SKOR2: variants seen among roughly 807,000 people sequenced by gnomAD.
The protein encoded by SKOR2 is SKI family transcriptional corepressor 2.
Under a neutral mutation model 69.1 loss-of-function variants are expected in SKOR2, and 47 were observed. The ratio of observed to expected loss-of-function variants is 0.68; its 90% CI spans 0.54 to 0.87. SKOR2 has a LOEUF of 0.87. Among genes scored for constraint, SKOR2 ranks in the 40% least tolerant of loss-of-function variants. The pLI is 0.00. For missense variants in SKOR2, 1,404 were observed against 1,472.2 expected, an observed-to-expected ratio of 0.95 and a Z score of 0.76; for synonymous variants, 717 against 672.6, an observed-to-expected ratio of 1.07 and a Z score of -1.02.
At chr18:47,230,857 G>T in intron 5 of SKOR2, 78 bp downstream of exon 5, 1 of 1,416,348 alleles carries the variant, frequency 7.1e-7, no homozygotes, top group South Asian at 1.3e-5. Context: ...ATATGGTGGA[G>T]AACAAAAATA....
In SKOR2 at chr18:47,248,777, G is replaced by A. The variant is rs993484332; in HGVS notation, c.407C>T (p.Pro136Leu). Residue 136 changes from proline to leucine, a missense_variant, in exon 2 of 9, where the codon CCG becomes CTG. Pro to Leu is a moderately conservative substitution (Grantham distance 98). Transcript: ENST00000425639. This position sits in a 1 kb window ranked among gnomAD's most constrained non-coding sequence, Gnocchi z 6.4. The stretch of plus-strand genomic sequence containing the variant: ...GGCGAAATTGTCTGGCAGCTTGGGC[G>A]GCCTGTTTTCGCCCAGGAACGACTT... ...LCKSFLGENR[P>L]PKLPDNFAFD... 7.7e-6 allele frequency: 12 copies of A among 1,550,584 alleles called. No individual in the cohort carries two copies. The highest frequency in any genetic ancestry group is 1.0e-5 in the Non-Finnish European group (12 of 1,154,856).
chr18:47,239,569 T>G (rs1489249090), intron 4 of SKOR2, among the ~76,000 whole-genome samples: 3 of 152,324 alleles, frequency 2.0e-5, no homozygotes, highest in Non-Finnish European at 4.4e-5. Flanking sequence ...CTTTGATTAG[T>G]GCGTCTCGAG....
rs10670977 is a variant in SKOR2 at position 47,245,478 on chromosome 18, A to ATTTTTTTTTTTTTTTTTTTTTT, written c.2677+19_2677+20insAAAAAAAAAAAAAAAAAAAAAA. The ATTTTTTTTTTTTTTTTTTTTTT allele has an allele frequency of 6.4e-4, 761 of 1,197,920 alleles. 37 individuals carry two copies. Among genetic ancestry groups the ATTTTTTTTTTTTTTTTTTTTTT allele is most frequent in the African/African-American group, 2.2e-3 (98 of 43,974 alleles). The allele number at this position is 1,197,920 out of a possible 1,614,324, so 74.2% of individuals were successfully genotyped here. The stretch of plus-strand genomic sequence containing the variant: ...ATGCAGGCAAGAAAAGTGGCAGCTG[A>ATTTTTTTTTTTTTTTTTTTTTT]TTTTTTTTTTTTTTTTTACCTGAAA... On this transcript the variant is annotated intron_variant, in intron 3 of 8. Transcript: ENST00000425639.
chr18:47,231,610 G>A (rs1003792228), intron 4 of SKOR2, among the ~76,000 whole-genome samples: 3 of 152,192 alleles, frequency 2.0e-5, no homozygotes, highest in South Asian at 4.1e-4. Context: ...TTGGGATGCC[G>A]AGGCGGGCAG....
At chr18:47,235,133 G>A (rs572982939) in intron 4 of SKOR2, among the ~76,000 whole-genome samples, 1 of 152,260 alleles carries the variant, frequency 6.6e-6, no homozygotes, top group East Asian at 1.9e-4. Context: ...GGGAGGCCGA[G>A]GGAGAGTGCT....
chr18:47,244,590 A>G (rs2064262932), intron 4 of SKOR2, among the ~76,000 whole-genome samples: 1 of 152,338 alleles, frequency 6.6e-6, no homozygotes, highest in Admixed American at 6.5e-5. Context: ...GACAGATATT[A>G]AAAGCAATAA....
rs1440894550 is a variant in SKOR2 at position 47,220,098 on chromosome 18, T to A, written c.2918-88A>T. 8 of 1,072,032 alleles carry A rather than the reference T, an allele frequency of 7.5e-6. No individual in the cohort carries two copies. The East Asian group carries it at 2.1e-4, about 28-fold the overall frequency. 66.4% of individuals were successfully genotyped at this position (1,072,032 alleles called of 1,614,324 possible). A position where few individuals can be genotyped will look rare whatever the true frequency, so the allele number is the denominator to read the frequency against. Reference sequence around the variant, plus strand: ...AGTAAAAACATTATTGACAGTCCCATGGACAGCCCCCCTACTTTTAAGTAT... The same window carrying A: ...AGTAAAAACATTATTGACAGTCCCAAGGACAGCCCCCCTACTTTTAAGTAT... On this transcript the variant is annotated intron_variant, in intron 6 of 8. Transcript: ENST00000425639.
chr18:47,248,614 G>A lies in SKOR2; in HGVS notation c.570C>T (p.Ser190=), dbSNP rs1356261880. The A allele has an allele frequency of 6.5e-7, 1 of 1,547,352 alleles. No homozygotes were observed. The stretch of plus-strand genomic sequence containing the variant: ...TGTACTTGGCGTCGGGCGTGCGGTG[G>A]GAGTGGAAAATGAACTTGTTGGGCG... ...YFSPNKFIFH[S]HRTPDAKYTQ... is the part of the protein sequence containing the mutation. Residue 190 remains serine (S), a synonymous_variant, in exon 2 of 9, where the codon TCC becomes TCT. Transcript: ENST00000425639. The surrounding 1 kb of genome is among the most constrained non-coding windows in gnomAD (Gnocchi z 6.4).
chr18:47,225,382 T>C (rs1222635802), intron 6 of SKOR2, among the ~76,000 whole-genome samples: 1 of 152,222 alleles, frequency 6.6e-6, no homozygotes, highest in Admixed American at 6.5e-5. Context: ...TACTCACCTT[T>C]ATACAAGTCT....
chr18:47,231,801 C>G (rs2064200728), intron 4 of SKOR2, among the ~76,000 whole-genome samples: 2 of 150,610 alleles, frequency 1.3e-5, no homozygotes, highest in African/African-American at 4.9e-5. Flanking sequence ...TGAGATCACA[C>G]CTTTGCACTC....
At chr18:47,236,893 T>TAA (rs2064226208) in intron 4 of SKOR2, among the ~76,000 whole-genome samples, 1 of 152,230 alleles carries the variant, frequency 6.6e-6, no homozygotes, top group Admixed American at 6.5e-5. Context: ...TAAGTGCTTA[T>TAA]TGTCTTTATT....
intron 6 of SKOR2, among the ~76,000 whole-genome samples, chr18:47,228,373 A>T (rs1358467341): frequency 6.6e-6 from 1 of 152,252 alleles, no homozygotes; most frequent in African/African-American, 2.4e-5. Flanking sequence ...CATCAAAATG[A>T]TGAATGAGAG....
At position 47,247,198 on chromosome 18, in the gene SKOR2, G is replaced by T; in HGVS notation, c.1986C>A (p.His662Gln). Residue 662 changes from histidine (H) to glutamine (Q), a missense_variant, in exon 2 of 9, where the codon CAC (histidine) becomes CAA (glutamine). By Grantham distance (24) the His-to-Gln change is conservative (BLOSUM62 0). This residue lies in a region of SKOR2 where 1,266 missense variants were observed against 1,309.9 expected (regional missense o/e 0.97). Transcript: ENST00000425639. The surrounding 1 kb of genome is among the most constrained non-coding windows in gnomAD (Gnocchi z 6.6). ...GCGGGGGGTGGTGGTGGTGGTGGTG[G>T]TGGTGAGGGTGGTGATGGTGGTGGG... ...THPHHHHHPH[H>Q]HHHHHHPPQP... 1 of 1,379,952 alleles carries T rather than the reference G, an allele frequency of 7.2e-7. No homozygotes were observed. The highest frequency in any genetic ancestry group is 9.4e-7 in the Non-Finnish European group (1 of 1,068,044). 85.5% of individuals were successfully genotyped at this position (1,379,952 alleles called of 1,614,324 possible). A position where few individuals can be genotyped will look rare whatever the true frequency, so the allele number is the denominator to read the frequency against.
intron 6 of SKOR2, 140 bp from the exon 7 acceptor site, chr18:47,220,150 G>T: frequency 1.6e-6 from 1 of 627,304 alleles, no homozygotes; most frequent in Non-Finnish European, 2.7e-6. Context: ...TTATATGCTT[G>T]TTTGAAGAAT....
chr18:47,243,197 T>C (rs552869868), intron 4 of SKOR2, among the ~76,000 whole-genome samples: 1 of 152,308 alleles, frequency 6.6e-6, no homozygotes, highest in East Asian at 1.9e-4. Context: ...AGCAAAGGTC[T>C]CCAATCCACT....
In SKOR2 at chr18:47,248,996, C is replaced by T; in HGVS notation, c.188G>A (p.Cys63Tyr). The T allele has an allele frequency of 1.3e-6, 2 of 1,558,268 alleles. No individual in the cohort carries two copies. The highest frequency in any genetic ancestry group is 1.7e-6 in the Non-Finnish European group (2 of 1,158,676). Residue 63 changes from cysteine to tyrosine, a missense_variant, in exon 2 of 9, where the codon TGC becomes TAC. Around this residue, in one of 3 missense-constraint regions of SKOR2, gnomAD observed 104 missense variants for 95.7 expected, o/e 1.09. Coordinates refer to ENST00000425639, the MANE Select transcript of SKOR2 (RefSeq NM_001278063.4). The surrounding 1 kb of genome is among the most constrained non-coding windows in gnomAD (Gnocchi z 6.4). ...SLVIDGQERL[C>Y]LAQISNTLLK... is the part of the protein sequence containing the mutation. ...CAGAGTGTTGGAGATCTGCGCCAGGCACAGGCGCTCTTGCCCGTCGATCAC... is the reference window on the plus strand; with the variant it reads ...CAGAGTGTTGGAGATCTGCGCCAGGTACAGGCGCTCTTGCCCGTCGATCAC...
intron 4 of SKOR2, among the ~76,000 whole-genome samples, chr18:47,240,037 C>T (rs2064242193): frequency 6.6e-6 from 1 of 152,100 alleles, no homozygotes; most frequent in South Asian, 2.1e-4. Context: ...CAGAGTGCTT[C>T]ATCTGCTATA....
chr18:47,217,135 T>A (rs1035117169), intron 7 of SKOR2, among the ~76,000 whole-genome samples: 1 of 152,216 alleles, frequency 6.6e-6, no homozygotes, highest in Non-Finnish European at 1.5e-5. Context: ...AGGTCCTTCC[T>A]GCACAAAAAT....
At chr18:47,234,876 G>A (rs867842533) in intron 4 of SKOR2, among the ~76,000 whole-genome samples, 16 of 83,538 alleles carry the variant, frequency 1.9e-4, no homozygotes, top group African/African-American at 4.0e-4. Context: ...AAAAAAAAAA[G>A]AGAGGGGGTG....
Sources: gnomAD v4.1 joint callset for allele counts (sites outside exome capture counted in the v4.1 genomes callset) on GRCh38, gnomAD v4.1.1 for gene constraint, gnomAD v4.1.1 regional missense constraint, Gnocchi (gnomAD v3.1) non-coding constraint, MANE v1.5 for transcripts, NCBI Gene and HGNC (gene_info 2026-07-23, HGNC 2026-07-21) for gene names.